PIP5K1B: variants seen among roughly 807,000 people sequenced by gnomAD.
The protein encoded by PIP5K1B is phosphatidylinositol-4-phosphate 5-kinase type 1 beta.
A neutral mutation model predicts 67.0 loss-of-function variants in PIP5K1B; 42 were observed. The observed-to-expected ratio is 0.63, with a 90% CI of 0.49 to 0.81. The LOEUF is 0.81. Ranked by LOEUF, PIP5K1B falls within the 30% of genes least tolerant of loss-of-function variation. The pLI, the probability that PIP5K1B is intolerant of heterozygous loss-of-function variation, is 0.00. For missense variants in PIP5K1B, 459 were observed against 646.3 expected (o/e 0.71, Z 3.14); for synonymous variants, 214 against 231.4 (o/e 0.92, Z 0.68).
chr9:68,875,630 G>A (rs1422677327), intron 5 of PIP5K1B, among the ~76,000 whole-genome samples: 1 of 152,114 alleles, frequency 6.6e-6, no homozygotes, highest in Non-Finnish European at 1.5e-5. Context: ...TGTGCTGAAA[G>A]CCTTTGTCAT....
intron 13 of PIP5K1B, 52 bp from the exon 14 acceptor site, chr9:68,940,594 A>G (rs1827507603): frequency 1.8e-5 from 28 of 1,558,784 alleles, no homozygotes; most frequent in Non-Finnish European, 2.3e-5. Flanking sequence ...TAGATACTAA[A>G]GCTGCATTTA....
At chr9:68,988,267 T>A (rs1447829113) in intron 14 of PIP5K1B, among the ~76,000 whole-genome samples, 2 of 151,124 alleles carry the variant, frequency 1.3e-5, no homozygotes, top group African/African-American at 2.4e-5. Context: ...AATTAAAGTT[T>A]AAAAAAAAAT....
At chr9:68,770,739 A>C (rs149911506) in intron 2 of PIP5K1B, among the ~76,000 whole-genome samples, 1 of 152,160 alleles carries the variant, frequency 6.6e-6, no homozygotes, top group African/African-American at 2.4e-5. Context: ...TCTGAAGTAG[A>C]AGATCCCCCT....
intron 1 of PIP5K1B, among the ~76,000 whole-genome samples, chr9:68,738,389 GT>G (rs889046143): frequency 6.6e-6 from 1 of 152,214 alleles, no homozygotes; most frequent in Non-Finnish European, 1.5e-5. Context: ...GTTAATTCAT[GT>G]ATGGTAGGAG....
chr9:68,834,911 C>T (rs1365014417), intron 4 of PIP5K1B, among the ~76,000 whole-genome samples: 1 of 152,130 alleles, frequency 6.6e-6, no homozygotes, highest in Non-Finnish European at 1.5e-5. Context: ...CCTGGAAGAA[C>T]TTCAGCAATG....
chr9:68,824,161 G>C (rs1271714806), intron 4 of PIP5K1B: 2 of 518,806 alleles, frequency 3.9e-6, no homozygotes, highest in Non-Finnish European at 7.7e-6. Flanking sequence ...TTCAAGCATG[G>C]ACCAACACAG....
chr9:68,987,542 A>G (rs899336960), intron 14 of PIP5K1B, among the ~76,000 whole-genome samples: 4 of 152,230 alleles, frequency 2.6e-5, no homozygotes, highest in Admixed American at 2.0e-4. Context: ...AGCCTGGGCA[A>G]CAGAGCGAGA....
intron 13 of PIP5K1B, among the ~76,000 whole-genome samples, chr9:68,938,757 AT>A (rs1827403897): frequency 6.6e-6 from 1 of 152,016 alleles, no homozygotes; most frequent in Admixed American, 6.6e-5. Context: ...TTGGGTGGAG[AT>A]CCCTGCTTCT....
At chr9:68,713,169 C>T (rs1413669628) in intron 1 of PIP5K1B, among the ~76,000 whole-genome samples, 9 of 152,178 alleles carry the variant, frequency 5.9e-5, no homozygotes, top group Non-Finnish European at 8.8e-5. Context: ...GAGCCCGAAG[C>T]AGGTGGATCA....
At chr9:68,822,492 C>G in intron 3 of PIP5K1B, 123 bp from the exon 4 acceptor site, 3 of 641,146 alleles carry the variant, frequency 4.7e-6, no homozygotes, top group Non-Finnish European at 5.4e-6. Flanking sequence ...TCCTTAGGAA[C>G]AACAGCAATA....
At chr9:68,963,504 GAAA>G (rs5898052) in intron 14 of PIP5K1B, among the ~76,000 whole-genome samples, 1 of 144,020 alleles carries the variant, frequency 6.9e-6, no homozygotes. Flanking sequence ...CTCTGTCTCA[GAAA>G]AAAAAAAAAA....
At chr9:68,823,889 A>T (rs901019165) in intron 4 of PIP5K1B, among the ~76,000 whole-genome samples, 2 of 152,180 alleles carry the variant, frequency 1.3e-5, no homozygotes, top group African/African-American at 4.8e-5. Flanking sequence ...ATATGGGAGA[A>T]TGTGCCCTTT....
intron 1 of PIP5K1B, among the ~76,000 whole-genome samples, chr9:68,709,693 C>G (rs1827294513): frequency 6.6e-6 from 1 of 152,182 alleles, no homozygotes; most frequent in Non-Finnish European, 1.5e-5. Flanking sequence ...GGGCGAATCA[C>G]TTGAGCCCAG....
At chr9:69,006,280 G>A (rs773163258) in intron 15 of PIP5K1B, among the ~76,000 whole-genome samples, 1 of 152,132 alleles carries the variant, frequency 6.6e-6, no homozygotes, top group South Asian at 2.1e-4. Context: ...CAACCACTGA[G>A]TCTCAGCAGA....
chr9:68,968,185 C>T (rs995664103), intron 14 of PIP5K1B, among the ~76,000 whole-genome samples: 1 of 152,166 alleles, frequency 6.6e-6, no homozygotes, highest in African/African-American at 2.4e-5. Flanking sequence ...ACCATAGAAT[C>T]GTTTTGATGT....
chr9:68,723,303 G>T (rs1301460157), intron 1 of PIP5K1B, among the ~76,000 whole-genome samples: 2 of 152,166 alleles, frequency 1.3e-5, no homozygotes, highest in Non-Finnish European at 2.9e-5. Context: ...GTAAACAGGG[G>T]AGTGCAGATA....
chr9:68,990,567 C>T (rs1830317046), intron 14 of PIP5K1B, among the ~76,000 whole-genome samples: 1 of 150,182 alleles, frequency 6.7e-6, no homozygotes, highest in Non-Finnish European at 1.5e-5. Context: ...CCTCCCACCA[C>T]TCACAAGGCA....
intron 15 of PIP5K1B, among the ~76,000 whole-genome samples, chr9:69,008,019 T>C (rs1831168951): frequency 6.8e-6 from 1 of 147,648 alleles, no homozygotes; most frequent in Non-Finnish European, 1.5e-5. Flanking sequence ...TACCATTTGC[T>C]GAACATATTG....
chr9:68,784,682 G>A (rs1162660203), intron 2 of PIP5K1B: 1 of 162,992 alleles, frequency 6.1e-6, no homozygotes, highest in African/African-American at 2.4e-5. Context: ...TAACAGAGGT[G>A]GGAGTCAGGG....
Sources: gnomAD v4.1 joint callset for allele counts (sites outside exome capture counted in the v4.1 genomes callset) on GRCh38, gnomAD v4.1.1 for gene constraint, MANE v1.5 for transcripts, NCBI Gene and HGNC (gene_info 2026-07-23, HGNC 2026-07-21) for gene names.